The following NRG1 variants were observed in gnomAD, a reference collection of about 807,000 sequenced individuals.
NRG1 encodes neuregulin 1, also known as pro-neuregulin-1, membrane-bound isoform.
NRG1 carries 18 observed loss-of-function variants against 63.8 expected under a neutral mutation model. The ratio of observed to expected loss-of-function variants is 0.28; its 90% CI spans 0.19 to 0.42. The LOEUF (loss-of-function observed/expected upper bound fraction) is 0.42, where lower values mean the gene tolerates loss of function less well. Ranked by LOEUF, NRG1 falls within the 10% of genes least tolerant of loss-of-function variation. The pLI, the probability that NRG1 is intolerant of heterozygous loss-of-function variation, is 1.00. For missense variants in NRG1, 762 were observed against 814.7 expected, an observed-to-expected ratio of 0.94 and a Z score of 0.79; for synonymous variants, 302 against 301.3, an observed-to-expected ratio of 1.00 and a Z score of -0.02.
intron 7 of NRG1, chr8:32,749,519 T>C: frequency 6.2e-7 from 1 of 1,610,874 alleles, no homozygotes; most frequent in Non-Finnish European, 8.5e-7. Flanking sequence ...CTGAAACTTT[T>C]TCCCTTTCTT....
intron 2 of NRG1, among the ~76,000 whole-genome samples, chr8:32,602,914 CA>C (rs1844625876): frequency 6.6e-6 from 1 of 152,102 alleles, no homozygotes; most frequent in Non-Finnish European, 1.5e-5. Context: ...CTCCAAAATT[CA>C]GCCCCAAAAT....
At chr8:32,768,356 G>A (rs1335581453), downstream of NRG1, among the ~76,000 whole-genome samples, 7 of 152,148 alleles carry the variant, frequency 4.6e-5, no homozygotes, top group African/African-American at 1.7e-4. Context: ...GAAAGGTAAC[G>A]AAAAATGCTC....
intron 1 of NRG1, among the ~76,000 whole-genome samples, chr8:32,053,061 C>T (rs1822252237): frequency 6.6e-6 from 1 of 152,146 alleles, no homozygotes; most frequent in Admixed American, 6.5e-5. Context: ...GGCTAAGGTA[C>T]ATAAGAATAA....
intron 1 of NRG1, among the ~76,000 whole-genome samples, chr8:32,094,009 T>TTC (rs1829554504): frequency 6.6e-6 from 1 of 152,162 alleles, no homozygotes. Flanking sequence ...CCTGAGGATG[T>TTC]CTGCAGCAGA....
chr8:31,664,155 C>T (rs1806291420), intron 1 of NRG1, among the ~76,000 whole-genome samples: 1 of 152,166 alleles, frequency 6.6e-6, no homozygotes, highest in African/African-American at 2.4e-5. Flanking sequence ...CTTCACGGTT[C>T]CCCTCCTTCC....
chr8:31,695,849 C>T (rs1363757661), intron 1 of NRG1, among the ~76,000 whole-genome samples: 2 of 27,132 alleles, frequency 7.4e-5, no homozygotes, highest in South Asian at 3.3e-3. Context: ...AGAAGAATAA[C>T]ATAATAATCA....
At chr8:32,641,081 T>A (rs1233940708) in intron 5 of NRG1, among the ~76,000 whole-genome samples, 2 of 151,876 alleles carry the variant, frequency 1.3e-5, no homozygotes, top group African/African-American at 4.8e-5. Flanking sequence ...ATATCAAGGC[T>A]GCAGTGACTA....
At chr8:32,165,776 G>A (rs4733304) in intron 1 of NRG1, among the ~76,000 whole-genome samples, 18,400 of 152,074 alleles carry the variant, frequency 0.12, 1,163 homozygotes, top group East Asian at 0.25. Context: ...ATAGTGTCTG[G>A]TATCTAGTCT....
intron 1 of NRG1, among the ~76,000 whole-genome samples, chr8:32,542,736 TC>T (rs1271952586): frequency 1.3e-5 from 2 of 152,152 alleles, no homozygotes; most frequent in Non-Finnish European, 2.9e-5. Context: ...CTGGATAGAC[TC>T]CTGGGAAGCA....
intron 1 of NRG1, among the ~76,000 whole-genome samples, chr8:31,760,837 C>G (rs540801791): frequency 1.3e-5 from 2 of 152,108 alleles, no homozygotes; most frequent in African/African-American, 2.4e-5. Flanking sequence ...AATAGGAACA[C>G]TTTTACACTG....
At chr8:31,929,715 A>T (rs955229907) in intron 1 of NRG1, among the ~76,000 whole-genome samples, 15 of 152,098 alleles carry the variant, frequency 9.9e-5, no homozygotes, top group Non-Finnish European at 2.2e-4. Flanking sequence ...TCCTTTCACT[A>T]CCTTTGATAA....
Position 31,767,828 on chromosome 8 carries a change from C to T in NRG1, c.37+128397C>T, listed in dbSNP as rs892750245. On this transcript the variant is annotated intron_variant, in intron 1 of 10. Coordinates refer to the NRG1 transcript ENST00000519301. ...TGCCATTACACTCCAGCCTGGGTGA[C>T]AAGAGCAAAACTCTTTCTCAAAAAA... 6.6e-5 allele frequency among the ~76,000 whole-genome samples: 7 copies of T among 105,950 alleles called. No homozygotes were observed. In the Admixed American group the frequency reaches 7.8e-4, roughly 12 times the overall value. 69.5% of individuals were successfully genotyped at this position (105,950 alleles called of 152,430 possible).
chr8:32,619,993 A>C (rs1193797553), intron 5 of NRG1, among the ~76,000 whole-genome samples: 1 of 152,176 alleles, frequency 6.6e-6, no homozygotes, highest in Non-Finnish European at 1.5e-5. Flanking sequence ...AGTCCATTTC[A>C]AGGCAGCCAC....
chr8:31,769,881 T>A (rs1233107058), intron 1 of NRG1, among the ~76,000 whole-genome samples: 1 of 152,278 alleles, frequency 6.6e-6, no homozygotes, highest in Admixed American at 6.5e-5. Context: ...TTCTTTTTAA[T>A]GAGAAACAGC....
chr8:32,709,240 T>A (rs1817209594), intron 5 of NRG1, among the ~76,000 whole-genome samples: 1 of 152,188 alleles, frequency 6.6e-6, no homozygotes, highest in Non-Finnish European at 1.5e-5. Flanking sequence ...TAGTCACGCC[T>A]CTTATATGTA....
chr8:32,130,438 G>A (rs1312830075), intron 1 of NRG1, among the ~76,000 whole-genome samples: 1 of 151,792 alleles, frequency 6.6e-6, no homozygotes, highest in Non-Finnish European at 1.5e-5. Context: ...TTTGAAAATG[G>A]TGCATTTGGG....
At chr8:31,896,397 G>C (rs1417463626) in intron 1 of NRG1, among the ~76,000 whole-genome samples, 1 of 152,000 alleles carries the variant, frequency 6.6e-6, no homozygotes, top group African/African-American at 2.4e-5. Flanking sequence ...CACTATCCGG[G>C]GACCCCAGGG....
At chr8:32,764,678 A>G in exon 12 of NRG1, 1 of 249,524 alleles carries the variant, frequency 4.0e-6, no homozygotes, top group Non-Finnish European at 7.6e-6. Context: ...GCTTTTCCAC[A>G]GTATTTCTGC....
intron 1 of NRG1, among the ~76,000 whole-genome samples, chr8:31,931,949 T>G (rs1346924134): frequency 1.3e-5 from 2 of 152,186 alleles, no homozygotes; most frequent in African/African-American, 4.8e-5. Context: ...GGGAGGCAAT[T>G]GCCAGAGCTG....
Sources: gnomAD v4.1 joint callset for allele counts (sites outside exome capture counted in the v4.1 genomes callset) on GRCh38, gnomAD v4.1.1 for gene constraint, MANE v1.5 for transcripts, NCBI Gene and HGNC (gene_info 2026-07-23, HGNC 2026-07-21) for gene names.